Variants in ARHGAP15 observed in about 807,000 individuals in gnomAD.
ARHGAP15 encodes the protein Rho GTPase activating protein 15.
ARHGAP15 carries 51 observed loss-of-function variants against 63.7 expected under a neutral mutation model. The ratio of observed to expected loss-of-function variants is 0.80; its 90% CI spans 0.64 to 1.01. ARHGAP15 has a LOEUF of 1.01. Ranked by LOEUF, ARHGAP15 falls within the 50% of genes least tolerant of loss-of-function variation. The probability of loss-of-function intolerance (pLI) is 0.00; values close to 1 mark genes in which losing one functional copy is unlikely to be tolerated. For synonymous variants in ARHGAP15, 191 were observed against 193.8 expected, an observed-to-expected ratio of 0.99 and a Z score of 0.12; for missense variants, 560 against 564.6, an observed-to-expected ratio of 0.99 and a Z score of 0.08.
chr2:143,262,552 T>TTTTTTTTTTTTTTTTTTTTTTTG, intron 6 of ARHGAP15, among the ~76,000 whole-genome samples: 1 of 148,376 alleles, frequency 6.7e-6, no homozygotes, highest in South Asian at 2.2e-4. Flanking sequence ...TTTTTTTTTT[T>TTTTTTTTTTTTTTTTTTTTTTTG]TTTTTTTACT....
At chr2:143,357,227 T>G (rs1418544697) in intron 6 of ARHGAP15, among the ~76,000 whole-genome samples, 1 of 152,188 alleles carries the variant, frequency 6.6e-6, no homozygotes, top group Non-Finnish European at 1.5e-5. Context: ...GACAACAGTT[T>G]AAGTAAAAAG....
chr2:143,235,944 A>C (rs1417103878), intron 5 of ARHGAP15: 1 of 1,545,596 alleles, frequency 6.5e-7, no homozygotes, highest in East Asian at 2.5e-5. Context: ...TTGTGATTTT[A>C]GAGCTTCTGC....
intron 3 of ARHGAP15, among the ~76,000 whole-genome samples, chr2:143,212,471 A>G (rs1051117149): frequency 6.6e-6 from 1 of 152,222 alleles, no homozygotes; most frequent in African/African-American, 2.4e-5. Flanking sequence ...TAGCATCTAA[A>G]GATTGGTTGA....
At chr2:143,538,552 C>T (rs923875433) in intron 10 of ARHGAP15, among the ~76,000 whole-genome samples, 14 of 152,092 alleles carry the variant, frequency 9.2e-5, no homozygotes, top group African/African-American at 3.1e-4. Context: ...GAGATATGTC[C>T]CATCAATACC....
chr2:143,670,743 G>T (rs1381451992), intron 12 of ARHGAP15, among the ~76,000 whole-genome samples: 1 of 152,130 alleles, frequency 6.6e-6, no homozygotes, highest in African/African-American at 2.4e-5. Context: ...AACAGAACAT[G>T]CCCTGGCCTG....
chr2:143,298,140 G>T (rs1207306896), intron 6 of ARHGAP15, among the ~76,000 whole-genome samples: 2 of 151,900 alleles, frequency 1.3e-5, no homozygotes, highest in African/African-American at 4.8e-5. Flanking sequence ...TAGATAACTA[G>T]AGTTGATTTG....
intron 2 of ARHGAP15, among the ~76,000 whole-genome samples, chr2:143,201,686 T>C (rs762503113): frequency 2.6e-5 from 4 of 152,126 alleles, no homozygotes; most frequent in African/African-American, 4.8e-5. Context: ...TATAAGGCTT[T>C]CCTTGTGCTT....
At chr2:143,418,696 A>G (rs1202342664) in intron 6 of ARHGAP15, among the ~76,000 whole-genome samples, 3 of 152,174 alleles carry the variant, frequency 2.0e-5, no homozygotes, top group Non-Finnish European at 4.4e-5. Context: ...AAAATAACAC[A>G]TTTATATGTA....
At chr2:143,453,157 G>T (rs920382606) in intron 8 of ARHGAP15, among the ~76,000 whole-genome samples, 1 of 151,902 alleles carries the variant, frequency 6.6e-6, no homozygotes, top group African/African-American at 2.4e-5. Context: ...TTAAGTGACT[G>T]AGGCACTGAA....
At chr2:143,171,319 TG>T (rs1394091212) in intron 2 of ARHGAP15, among the ~76,000 whole-genome samples, 2 of 152,082 alleles carry the variant, frequency 1.3e-5, no homozygotes, top group Admixed American at 1.3e-4. Context: ...GCTACACAGG[TG>T]TTGTTTTCTA....
At chr2:143,625,465 T>TTGCTGC (rs141782073) in intron 12 of ARHGAP15, among the ~76,000 whole-genome samples, 152 of 151,426 alleles carry the variant, frequency 1.0e-3, no homozygotes, top group Middle Eastern at 3.4e-3. Flanking sequence ...GTTGTTGCTA[T>TTGCTGC]TGCTGCTGCT....
Position 143,537,059 on chromosome 2 carries a change from T to C in ARHGAP15, c.925+17695T>C, listed in dbSNP as rs573132569. 9.3e-4 allele frequency among the ~76,000 whole-genome samples: 141 copies of C among 152,184 alleles called. 1 individual carries two copies. The highest frequency in any genetic ancestry group is 1.0e-3 in the Non-Finnish European group (71 of 68,004). Reference sequence around the variant, plus strand: ...TGTTGTTTCCTGACTTTTTAATGATTGCCATTCTAACTGGTGTGAGATGGT... The same window carrying C: ...TGTTGTTTCCTGACTTTTTAATGATCGCCATTCTAACTGGTGTGAGATGGT... On this transcript the variant is annotated intron_variant, in intron 10 of 13. Transcript: ENST00000295095.
At chr2:143,509,167 A>G (rs928643878) in intron 9 of ARHGAP15, among the ~76,000 whole-genome samples, 1 of 152,222 alleles carries the variant, frequency 6.6e-6, no homozygotes, top group African/African-American at 2.4e-5. Flanking sequence ...CATTATCACC[A>G]GAGACTTTAG....
chr2:143,298,990 A>G (rs1391507622), intron 6 of ARHGAP15, among the ~76,000 whole-genome samples: 1 of 151,900 alleles, frequency 6.6e-6, no homozygotes, highest in Non-Finnish European at 1.5e-5. Flanking sequence ...CATACTTCTG[A>G]TAGACTCTAA....
At chr2:143,631,048 T>C (rs1699046752) in intron 12 of ARHGAP15, among the ~76,000 whole-genome samples, 1 of 152,118 alleles carries the variant, frequency 6.6e-6, no homozygotes, top group African/African-American at 2.4e-5. Context: ...TCGATACATT[T>C]ACATTTTCTA....
At chr2:143,741,950 AAAC>A (rs1159846994) in intron 13 of ARHGAP15, among the ~76,000 whole-genome samples, 12 of 152,244 alleles carry the variant, frequency 7.9e-5, no homozygotes, top group Non-Finnish European at 1.6e-4. Context: ...AGGGAAGAAA[AAAC>A]AATAAGCAGC....
At chr2:143,191,108 C>T (rs1464846541) in intron 2 of ARHGAP15, among the ~76,000 whole-genome samples, 2 of 152,196 alleles carry the variant, frequency 1.3e-5, no homozygotes, top group African/African-American at 4.8e-5. Flanking sequence ...AGAAACATTT[C>T]CAATCAAAAG....
chr2:143,517,041 C>A (rs896297843), intron 9 of ARHGAP15, among the ~76,000 whole-genome samples: 1 of 152,186 alleles, frequency 6.6e-6, no homozygotes, highest in Non-Finnish European at 1.5e-5. Flanking sequence ...CCTCTCCCTC[C>A]GGGTTGAAGC....
At chr2:143,418,611 T>A (rs1179519910) in intron 6 of ARHGAP15, among the ~76,000 whole-genome samples, 1 of 152,158 alleles carries the variant, frequency 6.6e-6, no homozygotes, top group Non-Finnish European at 1.5e-5. Flanking sequence ...GTCCTTCAGA[T>A]GATTTCTAAG....
Sources: allele counts gnomAD v4.1 joint callset (sites outside exome capture counted in the v4.1 genomes callset), GRCh38; gene constraint gnomAD v4.1.1; transcripts MANE v1.5; gene names NCBI Gene and HGNC (gene_info 2026-07-23, HGNC 2026-07-21).